EYS: variants seen among roughly 807,000 people sequenced by gnomAD.
EYS encodes the protein protein eyes shut homolog.
EYS carries 250 observed loss-of-function variants against 282.1 expected under a neutral mutation model. That is an observed-to-expected ratio of 0.89 (90% confidence interval 0.80 to 0.98). EYS has a LOEUF of 0.98. Ranked by LOEUF, EYS falls within the 50% of genes least tolerant of loss-of-function variation. The probability of loss-of-function intolerance (pLI) is 0.00; values close to 1 mark genes in which losing one functional copy is unlikely to be tolerated. For missense variants in EYS, 4,016 were observed against 3,709.0 expected, an observed-to-expected ratio of 1.08 and a Z score of -2.15; for synonymous variants, 1,355 against 1,282.9, an observed-to-expected ratio of 1.06 and a Z score of -1.20.
chr6:65,003,763 A>G (rs1447965654), intron 13 of EYS, among the ~76,000 whole-genome samples: 1 of 147,574 alleles, frequency 6.8e-6, no homozygotes, highest in African/African-American at 2.4e-5. Flanking sequence ...AGGGCAGGTT[A>G]CCTGATACTG....
chr6:65,574,499 T>A (rs1263786513), intron 2 of EYS, among the ~76,000 whole-genome samples: 1 of 152,014 alleles, frequency 6.6e-6, no homozygotes, highest in Non-Finnish European at 1.5e-5. Context: ...TCAGGTAAAA[T>A]AAACTTTAAG....
chr6:65,109,943 C>T (rs6907511), intron 12 of EYS, among the ~76,000 whole-genome samples: 34,765 of 152,056 alleles, frequency 0.23, 4,553 homozygotes, highest in African/African-American at 0.34. Context: ...AAATGTTATT[C>T]CCTTTTTGTT....
chr6:65,373,363 C>T (rs1490623251), intron 8 of EYS, among the ~76,000 whole-genome samples: 1 of 152,046 alleles, frequency 6.6e-6, no homozygotes, highest in Non-Finnish European at 1.5e-5. Context: ...GGATGGATGA[C>T]ATCAAATACC....
chr6:65,575,734 T>C (rs982246877), intron 2 of EYS, among the ~76,000 whole-genome samples: 2 of 151,938 alleles, frequency 1.3e-5, no homozygotes, highest in African/African-American at 4.8e-5. Flanking sequence ...GACTCAAATA[T>C]ATGAAACCAG....
At chr6:64,760,651 C>G (rs1222870071) in intron 22 of EYS, among the ~76,000 whole-genome samples, 1 of 152,190 alleles carries the variant, frequency 6.6e-6, no homozygotes, top group African/African-American at 2.4e-5. Flanking sequence ...TAAACACAAG[C>G]TGTTGTGCAG....
intron 33 of EYS, among the ~76,000 whole-genome samples, chr6:64,058,006 T>C (rs916376514): frequency 6.6e-6 from 1 of 152,124 alleles, no homozygotes; most frequent in Admixed American, 6.5e-5. Flanking sequence ...TAATTTTTCG[T>C]AGAGACGGGG....
At chr6:63,835,842 A>G (rs1259004322) in intron 36 of EYS, among the ~76,000 whole-genome samples, 1 of 152,138 alleles carries the variant, frequency 6.6e-6, no homozygotes, top group Non-Finnish European at 1.5e-5. Context: ...AAAAAGTGAT[A>G]AATTTGGCTA....
intron 1 of EYS, among the ~76,000 whole-genome samples, chr6:65,665,803 T>C (rs1305755200): frequency 6.6e-6 from 1 of 152,030 alleles, no homozygotes; most frequent in Admixed American, 6.6e-5. Flanking sequence ...CCATGATAAA[T>C]AAATCTCTAA....
intron 26 of EYS, among the ~76,000 whole-genome samples, chr6:64,568,306 A>G (rs1036079270): frequency 2.0e-5 from 3 of 152,194 alleles, no homozygotes; most frequent in African/African-American, 7.2e-5. Flanking sequence ...AAGGCCTAGG[A>G]AACAGAGCTA....
chr6:65,408,947 TTTC>T (rs1198968514), intron 5 of EYS, among the ~76,000 whole-genome samples: 25 of 152,188 alleles, frequency 1.6e-4, no homozygotes, highest in African/African-American at 6.0e-4. Flanking sequence ...ATGTTATTTT[TTTC>T]TTCTTTACTC....
chr6:65,023,518 C>A (rs34422886), intron 13 of EYS, among the ~76,000 whole-genome samples: 41,320 of 151,992 alleles, frequency 0.27, 7,118 homozygotes, highest in African/African-American at 0.48. Flanking sequence ...GGATTTCCTG[C>A]CGTTGACATA....
chr6:64,446,553 T>C (rs1424236519), intron 26 of EYS, among the ~76,000 whole-genome samples: 1 of 129,128 alleles, frequency 7.7e-6, no homozygotes, highest in African/African-American at 3.3e-5. Flanking sequence ...CTTGGGGCAT[T>C]TTTCATTTTT....
At chr6:65,486,063 C>A (rs1021251056) in intron 5 of EYS, among the ~76,000 whole-genome samples, 1 of 152,070 alleles carries the variant, frequency 6.6e-6, no homozygotes, top group Non-Finnish European at 1.5e-5. Context: ...AAGTATGTGG[C>A]ATAATACATT....
At chr6:64,875,658 G>A (rs1229426533) in intron 19 of EYS, among the ~76,000 whole-genome samples, 2 of 152,036 alleles carry the variant, frequency 1.3e-5, no homozygotes, top group African/African-American at 4.8e-5. Context: ...AACCACATCA[G>A]AGCCTAACAC....
intron 31 of EYS, among the ~76,000 whole-genome samples, chr6:64,213,287 A>G (rs1426648593): frequency 6.6e-6 from 1 of 152,050 alleles, no homozygotes; most frequent in Non-Finnish European, 1.5e-5. Context: ...ACATATAAAA[A>G]AACCTTTCTA....
chr6:64,184,395 AAAAGT>A (rs1412955328), intron 31 of EYS, among the ~76,000 whole-genome samples: 1 of 152,130 alleles, frequency 6.6e-6, no homozygotes, highest in South Asian at 2.1e-4. Flanking sequence ...CTTCTTTTTC[AAAAGT>A]AAAGTAGGTA....
rs57209264 is a variant in EYS at position 64,369,707 on chromosome 6, T to C, written c.6078+18983A>G. On this transcript the variant is annotated intron_variant, in intron 29 of 42. Transcript: ENST00000503581. ...TATCCCTGTTTGCAGACAATAGGAT[T>C]CTATACCAAGAAAATCCCATAGTCT... 4.5e-4 allele frequency among the ~76,000 whole-genome samples: 69 copies of C among 152,108 alleles called. 1 individual carries two copies. Among genetic ancestry groups the C allele is most frequent in the Admixed American group, 9.8e-4 (15 of 15,268 alleles).
intron 26 of EYS, among the ~76,000 whole-genome samples, chr6:64,454,789 T>C (rs1775501033): frequency 6.6e-6 from 1 of 152,136 alleles, no homozygotes; most frequent in Non-Finnish European, 1.5e-5. Context: ...CAAAGAGATA[T>C]GTAGGGATAA....
intron 14 of EYS, among the ~76,000 whole-genome samples, chr6:64,960,329 G>C (rs1468307720): frequency 6.6e-6 from 1 of 151,948 alleles, no homozygotes; most frequent in African/African-American, 2.4e-5. Context: ...TGTAAAATAA[G>C]GGATAATTTT....
Sources: allele counts gnomAD v4.1 joint callset (sites outside exome capture counted in the v4.1 genomes callset), GRCh38; gene constraint gnomAD v4.1.1; transcripts MANE v1.5; gene names NCBI Gene and HGNC (gene_info 2026-07-23, HGNC 2026-07-21).